SHROOM4: variants seen among roughly 807,000 people sequenced by gnomAD.
SHROOM4 encodes shroom family member 4.
A neutral mutation model predicts 80.3 loss-of-function variants in SHROOM4; 17 were observed. The ratio of observed to expected loss-of-function variants is 0.21; its 90% CI spans 0.14 to 0.32. SHROOM4 has a LOEUF of 0.32. Among genes scored for constraint, SHROOM4 ranks in the 10% least tolerant of loss-of-function variants. SHROOM4 has a pLI of 1.00. For synonymous variants in SHROOM4, 400 were observed against 437.5 expected, an observed-to-expected ratio of 0.91 and a Z score of 1.07; for missense variants, 993 against 1,140.3, an observed-to-expected ratio of 0.87 and a Z score of 1.86.
chrX:50,728,739 T>C (rs942848756), intron 1 of SHROOM4, among the ~76,000 whole-genome samples: 1 of 111,725 alleles, frequency 9.0e-6, no homozygotes, highest in Non-Finnish European at 1.9e-5. Context: ...AAAAAAATCA[T>C]AAACACCCTC....
At chrX:50,579,454 G>A in the SHROOM4 span, among the ~76,000 whole-genome samples, 2 of 111,722 alleles carry the variant, frequency 1.8e-5, no homozygotes, top group Non-Finnish European at 1.9e-5. Context: ...TAAGACTTCT[G>A]TCTTTGTATT....
chrX:50,790,807 C>T (rs373467312), intron 1 of SHROOM4, among the ~76,000 whole-genome samples: 13 of 111,095 alleles, frequency 1.2e-4, no homozygotes, highest in Non-Finnish European at 2.5e-4. Flanking sequence ...AAATAAAGGC[C>T]ATATAAGAAA....
At chrX:50,653,743 T>C (rs1932202905) in intron 2 of SHROOM4, among the ~76,000 whole-genome samples, 1 of 112,033 alleles carries the variant, frequency 8.9e-6, no homozygotes, top group African/African-American at 3.2e-5. Context: ...GTTTCATCAA[T>C]ACCTAGCTTA....
chrX:50,762,218 G>T (rs782811009), intron 1 of SHROOM4, among the ~76,000 whole-genome samples: 6 of 111,982 alleles, frequency 5.4e-5, no homozygotes, highest in Non-Finnish European at 1.1e-4. Context: ...TTTATGTTGA[G>T]CTTCTTATTT....
At chrX:50,699,411 CT>C (rs1230257754) in intron 1 of SHROOM4, among the ~76,000 whole-genome samples, 3 of 111,977 alleles carry the variant, frequency 2.7e-5, no homozygotes, top group Non-Finnish European at 5.6e-5. Flanking sequence ...AGCTCTGGGC[CT>C]TTTCAGCTCT....
intron 5 of SHROOM4, among the ~76,000 whole-genome samples, chrX:50,624,963 A>T (rs782729296): frequency 1.8e-5 from 2 of 111,874 alleles, no homozygotes; most frequent in East Asian, 5.6e-4. Flanking sequence ...AAAGTAAGCA[A>T]ATTAATACTA....
At chrX:50,649,342 G>A (rs781867096) in intron 2 of SHROOM4, among the ~76,000 whole-genome samples, 32 of 112,103 alleles carry the variant, frequency 2.9e-4, no homozygotes, top group Non-Finnish European at 4.7e-4. Context: ...CTATCCAGAG[G>A]AGGCAGCCGA....
intron 5 of SHROOM4, among the ~76,000 whole-genome samples, chrX:50,610,516 A>G (rs1304339118): frequency 9.0e-6 from 1 of 111,416 alleles, no homozygotes; most frequent in East Asian, 2.8e-4. Context: ...TTGAGTATTC[A>G]TCTTCATCCC....
intron 4 of SHROOM4, among the ~76,000 whole-genome samples, chrX:50,631,706 T>A (rs1235096793): frequency 8.9e-6 from 1 of 112,192 alleles, no homozygotes; most frequent in Non-Finnish European, 1.9e-5. Flanking sequence ...TCAATTATAT[T>A]TCTATAGACT....
intron 1 of SHROOM4, among the ~76,000 whole-genome samples, chrX:50,708,488 T>C (rs1165297860): frequency 8.9e-6 from 1 of 112,192 alleles, no homozygotes; most frequent in African/African-American, 3.2e-5. Flanking sequence ...ATTCCTACTT[T>C]GCGCTGATTG....
intron 2 of SHROOM4, among the ~76,000 whole-genome samples, chrX:50,673,463 C>G (rs782519086): frequency 4.0e-4 from 44 of 110,295 alleles, no homozygotes; most frequent in African/African-American, 1.4e-3. Flanking sequence ...TTTAAGTAAC[C>G]TACTGTAAGG....
At chrX:50,745,631 C>T (rs187144321) in intron 1 of SHROOM4, among the ~76,000 whole-genome samples, 84 of 110,924 alleles carry the variant, frequency 7.6e-4, no homozygotes, top group African/African-American at 2.5e-3. Context: ...AAATCTTGTA[C>T]AACAGAGAAC....
intron 1 of SHROOM4, among the ~76,000 whole-genome samples, chrX:50,774,301 A>T (rs17315303): frequency 0.04 from 4,424 of 111,053 alleles, 110 homozygotes; most frequent in African/African-American, 0.089. Context: ...GGTATTAGGC[A>T]ACAACAACAC....
chrX:50,789,524 G>C (rs1352137657), intron 1 of SHROOM4, among the ~76,000 whole-genome samples: 1 of 110,966 alleles, frequency 9.0e-6, no homozygotes, highest in Non-Finnish European at 1.9e-5. Context: ...AAATTATAGT[G>C]ACAAATGCCT....
chrX:50,634,426 G>A lies in SHROOM4; in HGVS notation c.1647C>T (p.Gly549=), dbSNP rs782452392. 53 of 1,209,438 alleles carry A rather than the reference G, an allele frequency of 4.4e-5. No individual in the cohort carries two copies. The highest frequency in any genetic ancestry group is 5.6e-5 in the Non-Finnish European group (50 of 895,077). The stretch of plus-strand genomic sequence containing the variant: ...TGTCCCCTTCTTCACCTGCCTCTGT[G>A]CCACTAGCTGCTTTAGTGGTTGAAG... The part of the protein sequence containing the change: ...DCSSTTKAAS[G]TEAGEEGDSE... Residue 549 remains glycine (G), a synonymous_variant, in exon 4 of 9, where the codon GGC becomes GGT. Transcript: ENST00000376020.
chrX:50,636,438 T>C (rs924919315), intron 3 of SHROOM4, among the ~76,000 whole-genome samples: 1 of 111,292 alleles, frequency 9.0e-6, no homozygotes. Flanking sequence ...ACTGAGGACC[T>C]ACAATGTGCC....
intron 2 of SHROOM4, among the ~76,000 whole-genome samples, chrX:50,668,425 G>C (rs1932754826): frequency 1.8e-5 from 2 of 111,752 alleles, no homozygotes; most frequent in South Asian, 7.7e-4. Flanking sequence ...TGGAGAGCCT[G>C]GACTTTCTAC....
intron 1 of SHROOM4, among the ~76,000 whole-genome samples, chrX:50,730,948 G>A (rs1486887184): frequency 9.1e-6 from 1 of 110,419 alleles, no homozygotes; most frequent in Non-Finnish European, 1.9e-5. Flanking sequence ...AGAAAGAAAT[G>A]GTGAGAATAA....
chrX:50,755,397 G>A (rs1175925443), intron 1 of SHROOM4, among the ~76,000 whole-genome samples: 1 of 112,022 alleles, frequency 8.9e-6, no homozygotes, highest in East Asian at 2.8e-4. Context: ...TTACACACTT[G>A]TCATTTTGAA....
Sources: gnomAD v4.1 joint callset for allele counts (sites outside exome capture counted in the v4.1 genomes callset) on GRCh38, gnomAD v4.1.1 for gene constraint, MANE v1.5 for transcripts, NCBI Gene and HGNC (gene_info 2026-07-23, HGNC 2026-07-21) for gene names.